E4F1: variants seen among roughly 807,000 people sequenced by gnomAD.
E4F1 encodes the protein transcription factor E4F1.
Under a neutral mutation model 72.9 loss-of-function variants are expected in E4F1, and 30 were observed. That is an observed-to-expected ratio of 0.41 (90% confidence interval 0.31 to 0.56). E4F1 has a LOEUF of 0.56. E4F1 is among the 20% of genes least tolerant of loss of function. The pLI is 0.25. For missense variants in E4F1, 1,091 were observed against 1,117.5 expected, an observed-to-expected ratio of 0.98 and a Z score of 0.34; for synonymous variants, 542 against 478.2, an observed-to-expected ratio of 1.13 and a Z score of -1.74.
In E4F1 at chr16:2,230,349, G is replaced by A. The variant is rs374662668; in HGVS notation, c.415+674G>A. On this transcript the variant is annotated intron_variant, in intron 3 of 13. Transcript: ENST00000301727. The stretch of plus-strand genomic sequence containing the variant: ...ATCGGGGACAGATGCTTGTGCAGGG[G>A]GGCATTCAGAGGCAGCCAGGGCCTG... 154 of 154,004 alleles carry A rather than the reference G, an allele frequency of 1.0e-3. 1 individual carries two copies. The East Asian group carries it at 0.02, about 20-fold the overall frequency. The allele number at this position is 154,004 out of a possible 1,614,324, so 9.5% of individuals were successfully genotyped here. A position where few individuals can be genotyped will look rare whatever the true frequency, so the allele number is the denominator to read the frequency against.
At chr16:2,226,512 C>T (rs1303573765) in intron 1 of E4F1, among the ~76,000 whole-genome samples, 1 of 152,226 alleles carries the variant, frequency 6.6e-6, no homozygotes, top group Admixed American at 6.5e-5. Context: ...GGCCCTTTCT[C>T]CGCCCTCAAA....
intron 7 of E4F1, 110 bp downstream of exon 7, chr16:2,233,293 G>C: frequency 6.8e-7 from 1 of 1,475,644 alleles, no homozygotes; most frequent in Non-Finnish European, 9.0e-7. Flanking sequence ...GCGAGGGCTG[G>C]GCTTCCCACA....
rs765775917 is a variant in E4F1, at chr16:2,232,449, C to A, written c.610-7C>A. ...AGGGCCCTGAGCTGCCACGCCCTCC[C>A]CCACAGGGCAGCATCCTCAAGGCCC... On this transcript the variant is annotated splice_region_variant and splice_polypyrimidine_tract_variant and intron_variant, in intron 4 of 13. Transcript: ENST00000301727. 8 of 1,609,962 alleles carry A rather than the reference C, an allele frequency of 5.0e-6. No individual in the cohort carries two copies. The East Asian group carries it at 1.6e-4, about 31-fold the overall frequency.
In E4F1 at chr16:2,233,550, G is replaced by T. The variant is rs1156291356; in HGVS notation, c.1169G>T (p.Gly390Val). Residue 390 changes from glycine (G) to valine (V), a missense_variant, in exon 8 of 14, where the codon GGT (glycine) becomes GTT (valine). By Grantham distance (109) the Gly-to-Val change is moderately radical. Around this residue, in one of 5 missense-constraint regions of E4F1, gnomAD observed 622 missense variants for 628.0 expected, o/e 0.99. Coordinates refer to ENST00000301727, the MANE Select transcript of E4F1 (RefSeq NM_004424.5). Reference protein sequence around the residue: ...IVLERAAGEEGALEPAPAAGS... With the variant: ...IVLERAAGEEVALEPAPAAGS... Reference sequence around the variant, plus strand: ...CTTGAGCGCGCTGCTGGGGAGGAGGGTGCCCTGGAGCCAGCTCCTGCTGCC... The same window carrying T: ...CTTGAGCGCGCTGCTGGGGAGGAGGTTGCCCTGGAGCCAGCTCCTGCTGCC... 1.3e-6 allele frequency: 2 copies of T among 1,516,240 alleles called. No individual in the cohort carries two copies. Among genetic ancestry groups the T allele is most frequent in the Admixed American group, 2.1e-5 (1 of 48,706 alleles). 93.9% of individuals were successfully genotyped at this position (1,516,240 alleles called of 1,614,324 possible).
intron 1 of E4F1, 106 bp downstream of exon 1, chr16:2,223,876 C>A: frequency 6.5e-7 from 1 of 1,532,702 alleles, no homozygotes; most frequent in Middle Eastern, 1.7e-4. Flanking sequence ...CCTCCCAGAC[C>A]CAGACACCTC....
chr16:2,234,968 C>T lies in E4F1; in HGVS notation c.1902C>T (p.Ser634=), dbSNP rs752492992. The change falls in exon 12 of 14, where the codon TCC becomes TCT. Residue 634 remains serine (S), a synonymous_variant. Coordinates refer to ENST00000301727, the MANE Select transcript of E4F1 (RefSeq NM_004424.5). ...ACACAGTGTTGGTGGAGTTCTCGTCCGTGGTAGCTGACACCCAGGAGTATA... is the reference window on the plus strand; with the variant it reads ...ACACAGTGTTGGTGGAGTTCTCGTCTGTGGTAGCTGACACCCAGGAGTATA... ...DPHTVLVEFS[S]VVADTQEYII... The T allele has an allele frequency of 4.2e-5, 68 of 1,602,842 alleles. No individual in the cohort carries two copies. Among genetic ancestry groups the T allele is most frequent in the Middle Eastern group, 1.6e-4 (1 of 6,070 alleles).
chr16:2,232,503 C>T lies in E4F1; in HGVS notation c.657C>T (p.Asp219=). The T allele has an allele frequency of 6.2e-7, 1 of 1,611,840 alleles. No individual in the cohort carries two copies. The highest frequency in any genetic ancestry group is 1.1e-5 in the South Asian group (1 of 90,898). The change falls in exon 5 of 14, where the codon GAC becomes GAT. Residue 219 remains aspartate, a synonymous_variant. Coordinates refer to ENST00000301727, the MANE Select transcript of E4F1 (RefSeq NM_004424.5). The part of the protein sequence containing the change: ...AHMVTHSSRK[D]HECKLCGASF... The stretch of plus-strand genomic sequence containing the variant: ...TGGTCACTCACAGCAGCCGCAAGGA[C>T]CACGAGTGCAAGCTCTGTGGGGCCT...
In E4F1 at chr16:2,223,643, G is replaced by T. The variant is rs780367917; in HGVS notation, c.30G>T (p.Thr10=). Residue 10 remains threonine (T), a synonymous_variant, in exon 1 of 14, where the codon ACG becomes ACT. Transcript: ENST00000301727. ...AGGGCGCGATGGCAGTGCGGGTGAC[G>T]GCCGCTCATACGGCAGAAGCCCAGG... MEGAMAVRV[T]AAHTAEAQAE... 1.9e-6 allele frequency: 3 copies of T among 1,590,658 alleles called. No individual in the cohort carries two copies. The highest frequency in any genetic ancestry group is 2.6e-6 in the Non-Finnish European group (3 of 1,174,156).
rs527879308 is a variant in E4F1 at position 2,235,678 on chromosome 16, G to T, written c.*106G>T. 8 of 913,194 alleles carry T rather than the reference G, an allele frequency of 8.8e-6. No individual in the cohort carries two copies. The Admixed American group carries it at 1.2e-4, about 13-fold the overall frequency. 56.6% of individuals were successfully genotyped at this position (913,194 alleles called of 1,614,324 possible). Reference sequence around the variant, plus strand: ...AGAGAAGATGGCACAGGATGGAGGCGCCCCAAGACGGACAGTGTACATAAG... The same window carrying T: ...AGAGAAGATGGCACAGGATGGAGGCTCCCCAAGACGGACAGTGTACATAAG... On this transcript the variant is annotated 3_prime_UTR_variant, in exon 14 of 14. Transcript: ENST00000301727.
rs1230666018 is a variant in E4F1, at chr16:2,223,742, C to T, written c.129C>T (p.Leu43=). 7.2e-6 allele frequency: 11 copies of T among 1,533,000 alleles called. No homozygotes were observed. The East Asian group carries it at 1.7e-4, about 24-fold the overall frequency. 95.0% of individuals were successfully genotyped at this position (1,533,000 alleles called of 1,614,324 possible). The change falls in exon 1 of 14, where the codon CTC becomes CTT. Residue 43 remains leucine, a synonymous_variant. Transcript: ENST00000301727. ...CGGCCTTGGCCCCCAGCGGCTTCCT[C>T]GGCCTCCCGGCGCCCTTCAGCGAGG... ...VAAALAPSGF[L]GLPAPFSEED...
In E4F1 at chr16:2,223,695, G is replaced by T; in HGVS notation, c.82G>T (p.Gly28Cys). The T allele has an allele frequency of 1.3e-6, 2 of 1,571,142 alleles. No homozygotes were observed. Among genetic ancestry groups the T allele is most frequent in the Non-Finnish European group, 1.7e-6 (2 of 1,168,026 alleles). The change falls in exon 1 of 14, where the codon GGT becomes TGT. Residue 28 changes from glycine (G) to cysteine (C), a missense_variant. Gly to Cys is a radical substitution (Grantham distance 159, BLOSUM62 -3). This residue lies in a region of E4F1 where 362 missense variants were observed against 358.6 expected (regional missense o/e 1.01). Coordinates refer to ENST00000301727, the MANE Select transcript of E4F1 (RefSeq NM_004424.5). The stretch of plus-strand genomic sequence containing the variant: ...CGAAGCCGGGCGGGAAGCGGGCGAG[G>T]GTGCAGTTGCGGCGGTGGCGGCGGC... ...QAEAGREAGE[G>C]AVAAVAAALA...
At chr16:2,224,443 T>G (rs2093419184) in intron 1 of E4F1, among the ~76,000 whole-genome samples, 1 of 152,218 alleles carries the variant, frequency 6.6e-6, no homozygotes, top group African/African-American at 2.4e-5. Context: ...CAGGTGGATG[T>G]TATTGTTATT....
In E4F1 at chr16:2,235,545, G is replaced by A. The variant is rs1352384228; in HGVS notation, c.2328G>A (p.Gln776=). Residue 776 remains glutamine (Q), a synonymous_variant, in exon 14 of 14, where the codon CAG becomes CAA. Coordinates refer to ENST00000301727, the MANE Select transcript of E4F1 (RefSeq NM_004424.5). ...TGGTCATCGCCTCGCCGGAGGGCCA[G>A]CTGGAGGTGCAGACGGTCATCGTCT... ...GELVIASPEG[Q]LEVQTVIV is the part of the protein sequence containing the mutation. The A allele has an allele frequency of 1.2e-6, 2 of 1,602,080 alleles. No individual in the cohort carries two copies. Among genetic ancestry groups the A allele is most frequent in the Non-Finnish European group, 1.7e-6 (2 of 1,172,628 alleles).
At position 2,232,817 on chromosome 16, in the gene E4F1, C is replaced by A; in HGVS notation, c.792C>A (p.Thr264=). ...GKSFRESGAL[T]RHLKSLTPCT... ...GCTTCCGGGAGTCGGGTGCACTGAC[C>A]CGGCACCTCAAGTCTCTCACCCCCT... The change falls in exon 6 of 14, where the codon ACC becomes ACA. Residue 264 remains threonine, a synonymous_variant. Coordinates refer to ENST00000301727, the MANE Select transcript of E4F1 (RefSeq NM_004424.5). 6.2e-7 allele frequency: 1 copy of A among 1,613,430 alleles called. No homozygotes were observed. The highest frequency in any genetic ancestry group is 8.5e-7 in the Non-Finnish European group (1 of 1,180,010).
Position 2,232,760 on chromosome 16 carries a change from G to A in E4F1, c.735G>A (p.Glu245=). The change falls in exon 6 of 14, where the codon GAG becomes GAA. Residue 245 remains glutamate (E), a synonymous_variant. Transcript: ENST00000301727. ...LIRHHRRHTD[E]RPYKCSKCGK... is the part of the protein sequence containing the mutation. ...CTGACTAGGTTCTCTCTGCAGATGA[G>A]CGCCCCTACAAGTGCTCCAAGTGTG... 1.2e-6 allele frequency: 2 copies of A among 1,613,186 alleles called. No individual in the cohort carries two copies. Among genetic ancestry groups the A allele is most frequent in the Non-Finnish European group, 1.7e-6 (2 of 1,180,000 alleles).
At position 2,232,470 on chromosome 16, in the gene E4F1, G is replaced by A; in HGVS notation, c.624G>A (p.Lys208=). Residue 208 remains lysine, a synonymous_variant, in exon 5 of 14, where the codon AAG becomes AAA. Transcript: ENST00000301727. ...HKTFKTGSIL[K]AHMVTHSSRK... is the part of the protein sequence containing the mutation. ...CTCCCCCACAGGGCAGCATCCTCAA[G>A]GCCCACATGGTCACTCACAGCAGCC... is the stretch of plus-strand genomic sequence containing the variant. 3 of 1,610,936 alleles carry A rather than the reference G, an allele frequency of 1.9e-6. No individual in the cohort carries two copies. Among genetic ancestry groups the A allele is most frequent in the Non-Finnish European group, 2.5e-6 (3 of 1,179,176 alleles).
At chr16:2,229,528 G>T (rs764936663) in intron 2 of E4F1, 42 bp from the exon 3 acceptor site, 8 of 1,585,966 alleles carry the variant, frequency 5.0e-6, no homozygotes, top group South Asian at 1.1e-5. Context: ...ACTAACTCTG[G>T]AGCATACAGA....
At chr16:2,233,242 CTTTG>C in intron 7 of E4F1, 59 bp downstream of exon 7, 2 of 1,539,748 alleles carry the variant, frequency 1.3e-6, no homozygotes, top group Non-Finnish European at 1.8e-6. Context: ...CGGTGCCAGT[CTTTG>C]TTCTGGGCAC....
rs533283493 is a variant in E4F1, at chr16:2,234,791, G to A, written c.1792+10G>A. The A allele has an allele frequency of 2.8e-4, 433 of 1,545,168 alleles. 1 individual carries two copies. In the South Asian group the frequency reaches 3.6e-3, roughly 13 times the overall value. On this transcript the variant is annotated intron_variant, in intron 11 of 13. Coordinates refer to ENST00000301727, the MANE Select transcript of E4F1 (RefSeq NM_004424.5). ...CACCTGCGCACCAAAGGTCTGGGCC[G>A]GTGGAGGTGGGAGGGGGAGGGGAGG...
Sources: gnomAD v4.1 joint callset for allele counts (sites outside exome capture counted in the v4.1 genomes callset) on GRCh38, gnomAD v4.1.1 for gene constraint, gnomAD v4.1.1 regional missense constraint, MANE v1.5 for transcripts, NCBI Gene and HGNC (gene_info 2026-07-23, HGNC 2026-07-21) for gene names.